The following MGLL variants were observed in gnomAD, a reference collection of about 807,000 sequenced individuals.
MGLL encodes lysophospholipase homolog.
Under a neutral mutation model 29.1 loss-of-function variants are expected in MGLL, and 7 were observed. The observed-to-expected ratio is 0.24, with a 90% confidence interval of 0.14 to 0.45. MGLL has a LOEUF of 0.45. MGLL is among the 20% of genes least tolerant of loss of function. The pLI is 0.99. For synonymous variants in MGLL, 148 were observed against 168.3 expected (o/e 0.88, Z 0.93); for missense variants, 356 against 413.6 (o/e 0.86, Z 1.21).
chr3:127,796,094 C>A (rs2077378224), intron 2 of MGLL, among the ~76,000 whole-genome samples: 1 of 152,194 alleles, frequency 6.6e-6, no homozygotes, highest in South Asian at 2.1e-4. Context: ...CCCCTCCCCG[C>A]CCCACCACTC....
At chr3:127,738,676 G>A (rs1458709476) in intron 3 of MGLL, among the ~76,000 whole-genome samples, 1 of 152,084 alleles carries the variant, frequency 6.6e-6, no homozygotes, top group Non-Finnish European at 1.5e-5. Context: ...CTTCCAGCAT[G>A]GGGGAGAAGG....
chr3:127,801,555 G>A (rs2077480362), intron 2 of MGLL, among the ~76,000 whole-genome samples: 2 of 151,892 alleles, frequency 1.3e-5, no homozygotes, highest in African/African-American at 4.8e-5. Context: ...GGCGGAGGTT[G>A]CAGTGAGCCG....
intron 7 of MGLL, among the ~76,000 whole-genome samples, chr3:127,694,285 AAATAT>A (rs1261444301): frequency 7.1e-5 from 8 of 112,210 alleles, no homozygotes; most frequent in Non-Finnish European, 1.5e-4. Flanking sequence ...AAAAAAAAAA[AAATAT>A]ATATATATAT....
intron 5 of MGLL, 113 bp from the exon 6 acceptor site, chr3:127,710,778 G>T: frequency 1.0e-6 from 1 of 992,808 alleles, no homozygotes; most frequent in Non-Finnish European, 1.6e-6. Context: ...CTGAACATCA[G>T]CCAGGTTCGT....
chr3:127,786,913 G>A (rs2077224265), intron 2 of MGLL, among the ~76,000 whole-genome samples: 1 of 152,310 alleles, frequency 6.6e-6, no homozygotes, highest in South Asian at 2.1e-4. Flanking sequence ...GCCATGTGGA[G>A]GTGTGGGGTA....
intron 5 of MGLL, among the ~76,000 whole-genome samples, chr3:127,716,289 G>A (rs2075814019): frequency 6.6e-6 from 1 of 152,238 alleles, no homozygotes; most frequent in South Asian, 2.1e-4. Context: ...TCACCTGTAA[G>A]ACAGGGATAA....
intron 2 of MGLL, among the ~76,000 whole-genome samples, chr3:127,793,561 G>T (rs773999067): frequency 7.2e-5 from 11 of 152,118 alleles, no homozygotes; most frequent in Non-Finnish European, 1.6e-4. Context: ...TAGATGCCAA[G>T]TCTTCTTCAT....
rs899374943 is a variant in MGLL, at chr3:127,740,048, C to A, written c.263-17482G>T. Among the ~76,000 whole-genome samples the A allele has an allele frequency of 2.6e-5, 4 of 152,356 alleles. No individual in the cohort carries two copies. In the East Asian group the frequency reaches 7.7e-4, roughly 29 times the overall value. The stretch of plus-strand genomic sequence containing the variant: ...CAGCTCTGAGTGGGGAAGCCCTGGC[C>A]TCAGCAGGTCCAGGCCGCACAGGAA... On this transcript the variant is annotated intron_variant, in intron 3 of 7. Transcript: ENST00000265052.
chr3:127,697,615 G>T (rs2075394408), intron 6 of MGLL, among the ~76,000 whole-genome samples: 1 of 152,188 alleles, frequency 6.6e-6, no homozygotes, highest in Non-Finnish European at 1.5e-5. Context: ...TTGCAGCTAG[G>T]TGTGGTCACA....
intron 2 of MGLL, among the ~76,000 whole-genome samples, chr3:127,790,342 G>C (rs1016255679): frequency 6.6e-6 from 1 of 152,214 alleles, no homozygotes; most frequent in African/African-American, 2.4e-5. Flanking sequence ...TCAGCATTAC[G>C]TAACATTCTA....
chr3:127,713,737 A>G (rs1246226475), intron 5 of MGLL: 1 of 152,238 alleles, frequency 6.6e-6, no homozygotes, highest in Non-Finnish European at 1.5e-5. Context: ...AGGATCAGTC[A>G]TTTGTGAAGA....
chr3:127,737,456 G>C (rs972827461), intron 3 of MGLL, among the ~76,000 whole-genome samples: 9 of 148,684 alleles, frequency 6.1e-5, no homozygotes, highest in Admixed American at 2.7e-4. Context: ...ACAGAGCGGG[G>C]CACACAGGAA....
chr3:127,762,423 G>A (rs144467954), intron 3 of MGLL, among the ~76,000 whole-genome samples: 43 of 152,302 alleles, frequency 2.8e-4, no homozygotes, highest in African/African-American at 9.1e-4. Flanking sequence ...TAAGGGCTGT[G>A]TCAAAGCGAA....
At chr3:127,786,275 C>T (rs994863703) in intron 2 of MGLL, among the ~76,000 whole-genome samples, 1 of 152,216 alleles carries the variant, frequency 6.6e-6, no homozygotes. Context: ...TGAGCAGGTG[C>T]CAAGGAAAGT....
At chr3:127,754,948 C>T (rs2076632339) in intron 3 of MGLL, among the ~76,000 whole-genome samples, 1 of 152,158 alleles carries the variant, frequency 6.6e-6, no homozygotes, top group Non-Finnish European at 1.5e-5. Flanking sequence ...TTCAAATTCA[C>T]CTAGCGCCCC....
intron 5 of MGLL, 198 bp from the exon 6 acceptor site, chr3:127,710,863 C>G (rs2075697429): frequency 3.2e-6 from 2 of 618,158 alleles, no homozygotes; most frequent in Admixed American, 2.2e-5. Flanking sequence ...CAGCCTGGCT[C>G]TGCTCCACCT....
chr3:127,726,190 A>AAAAGAAAAGAAAAG (rs2076039451), intron 3 of MGLL, among the ~76,000 whole-genome samples: 2 of 74,274 alleles, frequency 2.7e-5, no homozygotes, highest in African/African-American at 1.0e-4. Flanking sequence ...GAAAGAAAAG[A>AAAAGAAAAGAAAAG]AAAGAAAGAA....
chr3:127,719,202 G>C (rs924126008), intron 5 of MGLL, among the ~76,000 whole-genome samples: 5 of 152,222 alleles, frequency 3.3e-5, no homozygotes, highest in Non-Finnish European at 5.9e-5. Flanking sequence ...TAGAGCCCAG[G>C]GGGCTCTGGG....
chr3:127,714,665 C>A (rs535361256), intron 5 of MGLL, among the ~76,000 whole-genome samples: 24 of 152,280 alleles, frequency 1.6e-4, no homozygotes, highest in Non-Finnish European at 2.5e-4. Flanking sequence ...AGGAATGCCA[C>A]CCCAAGAACA....
Sources: allele counts gnomAD v4.1 joint callset (sites outside exome capture counted in the v4.1 genomes callset), GRCh38; gene constraint gnomAD v4.1.1; transcripts MANE v1.5; gene names NCBI Gene and HGNC (gene_info 2026-07-23, HGNC 2026-07-21).